Variants in BCAS1 observed in about 807,000 individuals in gnomAD.
BCAS1 encodes breast carcinoma-amplified sequence 1.
In BCAS1, 46 loss-of-function variants were observed where a neutral mutation model predicts 65.4. The ratio of observed to expected loss-of-function variants is 0.70; its 90% confidence interval spans 0.55 to 0.90. The LOEUF (loss-of-function observed/expected upper bound fraction) is 0.90, where lower values mean the gene tolerates loss of function less well. Ranked by LOEUF, BCAS1 falls within the 40% of genes least tolerant of loss-of-function variation. BCAS1 has a pLI of 0.00. For missense variants in BCAS1, 793 were observed against 771.2 expected, an observed-to-expected ratio of 1.03 and a Z score of -0.33; for synonymous variants, 298 against 293.5, an observed-to-expected ratio of 1.02 and a Z score of -0.16.
At chr20:53,997,410 C>A (rs2090945596) in intron 4 of BCAS1, among the ~76,000 whole-genome samples, 2 of 152,248 alleles carry the variant, frequency 1.3e-5, no homozygotes. Flanking sequence ...AAACCTGCCT[C>A]ATTCTTTACG....
chr20:53,971,841 T>C (rs1413922534), intron 9 of BCAS1, among the ~76,000 whole-genome samples: 2 of 152,192 alleles, frequency 1.3e-5, no homozygotes, highest in Non-Finnish European at 2.9e-5. Context: ...AGGAAAGAAA[T>C]TTTTTTCATT....
At chr20:53,982,409 A>G (rs966118835) in intron 8 of BCAS1, among the ~76,000 whole-genome samples, 3 of 152,220 alleles carry the variant, frequency 2.0e-5, no homozygotes, top group African/African-American at 7.2e-5. Context: ...TTTATTTTAT[A>G]ATAATAACTA....
At chr20:54,055,470 T>A (rs944424429) in intron 3 of BCAS1, among the ~76,000 whole-genome samples, 1 of 152,124 alleles carries the variant, frequency 6.6e-6, no homozygotes, top group Non-Finnish European at 1.5e-5. Context: ...TCAGATCTCA[T>A]GAGACTTATT....
chr20:53,961,816 G>A (rs1161456902), intron 10 of BCAS1, among the ~76,000 whole-genome samples: 1 of 152,128 alleles, frequency 6.6e-6, no homozygotes, highest in Non-Finnish European at 1.5e-5. Context: ...TGGCTCTCCC[G>A]CTTACCAGCT....
intron 6 of BCAS1, among the ~76,000 whole-genome samples, chr20:53,993,123 T>C (rs1344694214): frequency 2.0e-5 from 3 of 152,192 alleles, no homozygotes; most frequent in Non-Finnish European, 4.4e-5. Context: ...ATTAGAAACT[T>C]TATGGAAGCA....
At chr20:54,061,369 T>C (rs1601039779) in intron 1 of BCAS1, among the ~76,000 whole-genome samples, 1 of 152,238 alleles carries the variant, frequency 6.6e-6, no homozygotes, top group African/African-American at 2.4e-5. Flanking sequence ...CAAGGACTCT[T>C]GCAGCCACTC....
At chr20:53,982,478 C>T (rs2090507885) in intron 8 of BCAS1, among the ~76,000 whole-genome samples, 1 of 152,058 alleles carries the variant, frequency 6.6e-6, no homozygotes, top group African/African-American at 2.4e-5. Flanking sequence ...ATAGCCTGTT[C>T]TGGGAAAAAT....
chr20:54,054,612 A>G (rs564974856), intron 3 of BCAS1, among the ~76,000 whole-genome samples: 1 of 152,390 alleles, frequency 6.6e-6, no homozygotes, highest in African/African-American at 2.4e-5. Context: ...GAAGATGTCA[A>G]TGAATAACAG....
At chr20:54,012,808 T>C (rs1248910413) in intron 4 of BCAS1, among the ~76,000 whole-genome samples, 4 of 152,218 alleles carry the variant, frequency 2.6e-5, no homozygotes, top group Non-Finnish European at 1.5e-5. Flanking sequence ...AAGAAATTAA[T>C]GCACAGAAAG....
chr20:54,047,822 G>A (rs1348737129), intron 3 of BCAS1, among the ~76,000 whole-genome samples: 3 of 152,110 alleles, frequency 2.0e-5, no homozygotes, highest in Admixed American at 2.0e-4. Context: ...CAAGAGTGCT[G>A]GTTACAGAAA....
intron 12 of BCAS1, among the ~76,000 whole-genome samples, chr20:53,949,401 G>A (rs1263121056): frequency 6.6e-6 from 1 of 152,164 alleles, no homozygotes; most frequent in Non-Finnish European, 1.5e-5. Context: ...TGATGGAGAA[G>A]GAGGAAAAAA....
intron 3 of BCAS1, among the ~76,000 whole-genome samples, chr20:54,044,319 T>C (rs1339673743): frequency 6.6e-6 from 1 of 152,166 alleles, no homozygotes; most frequent in Non-Finnish European, 1.5e-5. Flanking sequence ...CCTGCCCATG[T>C]TTTTATCTTT....
At chr20:53,989,625 C>T (rs1208105224) in intron 7 of BCAS1, among the ~76,000 whole-genome samples, 1 of 152,250 alleles carries the variant, frequency 6.6e-6, no homozygotes, top group Non-Finnish European at 1.5e-5. Context: ...AGTCAGAACA[C>T]CATTAGTCTT....
At chr20:54,015,279 C>A (rs1046139725) in intron 4 of BCAS1, among the ~76,000 whole-genome samples, 18 of 151,962 alleles carry the variant, frequency 1.2e-4, no homozygotes, top group African/African-American at 2.4e-4. Context: ...TGATCCACCC[C>A]CCTTGGCCTC....
intron 3 of BCAS1, among the ~76,000 whole-genome samples, chr20:54,053,172 T>A (rs2092246166): frequency 6.6e-6 from 1 of 152,188 alleles, no homozygotes; most frequent in South Asian, 2.1e-4. Flanking sequence ...CTAAAATTGG[T>A]GAGTTAAGCT....
At chr20:53,987,347 A>G (rs16998697) in intron 7 of BCAS1, among the ~76,000 whole-genome samples, 8,393 of 152,300 alleles carry the variant, frequency 0.055, 722 homozygotes, top group African/African-American at 0.19. Flanking sequence ...TTTGCATTTT[A>G]TAGACAGTGA....
intron 4 of BCAS1, among the ~76,000 whole-genome samples, chr20:54,026,923 C>G (rs2091685374): frequency 6.6e-6 from 1 of 152,250 alleles, no homozygotes; most frequent in Non-Finnish European, 1.5e-5. Context: ...TCACTTCTCT[C>G]ACTGGACAGC....
At chr20:54,069,667 G>C (rs935233202) in intron 1 of BCAS1, among the ~76,000 whole-genome samples, 98 of 152,202 alleles carry the variant, frequency 6.4e-4, no homozygotes, top group African/African-American at 2.4e-3. Flanking sequence ...TAAGTGCACA[G>C]GTATTTACGG....
rs574115873 is a variant in BCAS1 at position 54,017,691 on chromosome 20, C to T, written c.723+10701G>A. Among the ~76,000 whole-genome samples, 7 of 152,142 alleles carry T rather than the reference C, an allele frequency of 4.6e-5. No homozygotes were observed. The East Asian group carries it at 7.7e-4, about 17-fold the overall frequency. On this transcript the variant is annotated intron_variant, in intron 4 of 12. Coordinates refer to ENST00000688948, the MANE Select transcript of BCAS1 (RefSeq NM_001366298.2). ...AATTATAGGTGTGAGCCACCACGCC[C>T]GGCCAATATGTGTGATTTAAAATGG...
Sources: gnomAD v4.1 joint callset for allele counts (sites outside exome capture counted in the v4.1 genomes callset) on GRCh38, gnomAD v4.1.1 for gene constraint, MANE v1.5 for transcripts, NCBI Gene and HGNC (gene_info 2026-07-23, HGNC 2026-07-21) for gene names.